GIT1: variants seen among roughly 807,000 people sequenced by gnomAD.
The protein encoded by GIT1 is ARF GTPase-activating protein GIT1.
In GIT1, 14 loss-of-function variants were observed where a neutral mutation model predicts 91.7. The ratio of observed to expected loss-of-function variants is 0.15; its 90% confidence interval spans 0.10 to 0.24. The LOEUF (loss-of-function observed/expected upper bound fraction) is 0.24, where lower values mean the gene tolerates loss of function less well. Among genes scored for constraint, GIT1 ranks in the 10% least tolerant of loss-of-function variants. The pLI is 1.00. For missense variants in GIT1, 717 were observed against 1,024.9 expected (o/e 0.70, Z 4.10); for synonymous variants, 414 against 418.2 (o/e 0.99, Z 0.12).
In GIT1 at chr17:29,583,607, C is replaced by A; in HGVS notation, c.62G>T (p.Trp21Leu). The A allele has an allele frequency of 6.3e-7, 1 of 1,592,254 alleles. No individual in the cohort carries two copies. ...CADCSAPDPG[W>L]ASISRGVLVC... is the part of the protein sequence containing the mutation. ...CAGCACACCCCTGCTGATGGATGCC[C>A]AGCCAGGGTCTGCCAGGGTGAGGGC... Residue 21 changes from tryptophan to leucine, a missense_variant, in exon 2 of 20, where the codon TGG becomes TTG. Trp to Leu is a moderately conservative substitution (Grantham distance 61). Around this residue, in one of 3 missense-constraint regions of GIT1, gnomAD observed 271 missense variants for 451.6 expected, o/e 0.60. Transcript: ENST00000225394.
At chr17:29,587,616 G>T (rs555034756) in intron 1 of GIT1, among the ~76,000 whole-genome samples, 1 of 152,256 alleles carries the variant, frequency 6.6e-6, no homozygotes, top group Non-Finnish European at 1.5e-5. Context: ...TGCCTTGCTG[G>T]TGCTGCCCTT....
chr17:29,581,507 C>T lies in GIT1; in HGVS notation c.719-127G>A, dbSNP rs2033394539. 2.1e-5 allele frequency: 17 copies of T among 811,960 alleles called. No individual in the cohort carries two copies. Among genetic ancestry groups the T allele is most frequent in the Non-Finnish European group, 3.4e-5 (16 of 474,214 alleles). 50.3% of individuals were successfully genotyped at this position (811,960 alleles called of 1,614,324 possible). On this transcript the variant is annotated intron_variant, in intron 6 of 19. Coordinates refer to ENST00000225394, the MANE Select transcript of GIT1 (RefSeq NM_014030.4). This position sits in a 1 kb window ranked among gnomAD's most constrained non-coding sequence, Gnocchi z 4.8. ...TCAGGGGAAAGTGGGGAGGGCAGGCCACCCCCAAGAATGCTGGGAGCTCGT... is the reference window on the plus strand; with the variant it reads ...TCAGGGGAAAGTGGGGAGGGCAGGCTACCCCCAAGAATGCTGGGAGCTCGT...
At chr17:29,577,366 C>A in intron 10 of GIT1, 119 bp from the exon 11 acceptor site, 1 of 811,716 alleles carries the variant, frequency 1.2e-6, no homozygotes, top group South Asian at 1.6e-5. Flanking sequence ...CTAAAGCGTC[C>A]CAGCCTAGCT....
rs1373404705 is a variant in GIT1, at chr17:29,574,614, C to T, written c.*88G>A. 2.7e-6 allele frequency: 3 copies of T among 1,119,258 alleles called. No homozygotes were observed. Among genetic ancestry groups the T allele is most frequent in the Non-Finnish European group, 4.1e-6 (3 of 740,140 alleles). The allele number at this position is 1,119,258 out of a possible 1,614,324, so 69.3% of individuals were successfully genotyped here. A position where few individuals can be genotyped will look rare whatever the true frequency, so the allele number is the denominator to read the frequency against. ...ACTAAGGGCACTTGTGCCAGTGGCT[C>T]TGTTGGGGTGGGGATTAATGTCTGG... On this transcript the variant is annotated 3_prime_UTR_variant, in exon 20 of 20. Transcript: ENST00000225394.
At chr17:29,582,852 T>C (rs1198430263) in intron 3 of GIT1, 49 bp from the exon 4 acceptor site, 1 of 1,561,498 alleles carries the variant, frequency 6.4e-7, no homozygotes, top group South Asian at 1.1e-5. Context: ...GAGAGGGTGG[T>C]CACCTTGCCA....
chr17:29,583,959 C>G (rs2150849615), intron 1 of GIT1: 1 of 309,834 alleles, frequency 3.2e-6, no homozygotes, highest in Non-Finnish European at 6.0e-6. Context: ...CCCAGCCCGT[C>G]CCGAAGGGAG....
intron 19 of GIT1, 70 bp from the exon 20 acceptor site, chr17:29,574,984 C>G: frequency 6.7e-7 from 1 of 1,488,506 alleles, no homozygotes; most frequent in Non-Finnish European, 9.2e-7. Flanking sequence ...CCCAGTTTGT[C>G]TGTGTCTCCA....
chr17:29,589,046 G>A lies in GIT1; in HGVS notation c.52+281C>T, dbSNP rs762330950. On this transcript the variant is annotated intron_variant, in intron 1 of 19. Coordinates refer to ENST00000225394, the MANE Select transcript of GIT1 (RefSeq NM_014030.4). This position sits in a 1 kb window ranked among gnomAD's most constrained non-coding sequence, Gnocchi z 5.2. ...GTCGGATACAGAGATGGAGGTGGAG[G>A]AGCAGCCAGCTGCCCGCCTCCCTCA... is the stretch of plus-strand genomic sequence containing the variant. Among the ~76,000 whole-genome samples, 3 of 152,194 alleles carry A rather than the reference G, an allele frequency of 2.0e-5. No homozygotes were observed. The highest frequency in any genetic ancestry group is 4.8e-5 in the African/African-American group (2 of 41,454).
Position 29,583,479 on chromosome 17 carries a change from G to A in GIT1, c.186+4C>T. The A allele has an allele frequency of 6.2e-7, 1 of 1,611,606 alleles. No homozygotes were observed. Among genetic ancestry groups the A allele is most frequent in the Non-Finnish European group, 8.5e-7 (1 of 1,179,780 alleles). On this transcript the variant is annotated splice_donor_region_variant and intron_variant, in intron 2 of 19. Transcript: ENST00000225394. ...AGGAAGAACCACCCGACTGAGCCCT[G>A]TACCTGCAGCAGCGTGGGAGGCCAG...
rs200441109 is a variant in GIT1, at chr17:29,575,720, A to C, written c.1753-17T>G. The stretch of plus-strand genomic sequence containing the variant: ...AAGCTTGCTCTGGAGGGCGGAGGGA[A>C]GGGGCTGTGAGCGCCGTGTTCCTGG... On this transcript the variant is annotated splice_polypyrimidine_tract_variant and intron_variant, in intron 16 of 19. Transcript: ENST00000225394. This position sits in a 1 kb window ranked among gnomAD's most constrained non-coding sequence, Gnocchi z 5.5. 1.6e-4 allele frequency: 252 copies of C among 1,612,290 alleles called. 1 individual carries two copies. In the East Asian group the frequency reaches 4.5e-3, roughly 29 times the overall value.
In GIT1 at chr17:29,575,463, C is replaced by T. The variant is rs2033158356; in HGVS notation, c.1834G>A (p.Gly612Arg). Residue 612 changes from glycine to arginine, a missense_variant, in exon 18 of 20, where the codon GGG (glycine) becomes AGG (arginine). Around this residue, in one of 3 missense-constraint regions of GIT1, gnomAD observed 134 missense variants for 223.8 expected, o/e 0.60. Coordinates refer to ENST00000225394, the MANE Select transcript of GIT1 (RefSeq NM_014030.4). The surrounding 1 kb of genome is among the most constrained non-coding windows in gnomAD (Gnocchi z 5.5). ...QSGDPLLGLE[G>R]KRFLELGKEE... ...TTGCCCAGCTCTAGAAACCTCTTCCCTTCCAGCCTGAGGCCCAGGTCCAGA... is the reference window on the plus strand; with the variant it reads ...TTGCCCAGCTCTAGAAACCTCTTCCTTTCCAGCCTGAGGCCCAGGTCCAGA... 6.2e-7 allele frequency: 1 copy of T among 1,602,958 alleles called. No individual in the cohort carries two copies. Among genetic ancestry groups the T allele is most frequent in the Non-Finnish European group, 8.5e-7 (1 of 1,174,624 alleles).
chr17:29,585,026 T>G (rs946544471), intron 1 of GIT1, among the ~76,000 whole-genome samples: 1 of 149,894 alleles, frequency 6.7e-6, no homozygotes, highest in Non-Finnish European at 1.5e-5. Flanking sequence ...GCAGCGGGTT[T>G]AGGCTTTTTA....
At chr17:29,576,783 G>C (rs1479385657) in intron 12 of GIT1, 80 bp downstream of exon 12, 1 of 1,575,754 alleles carries the variant, frequency 6.3e-7, no homozygotes, top group Non-Finnish European at 8.6e-7. Flanking sequence ...AGGCCCCTGG[G>C]CTACAAGAGG....
chr17:29,589,451 G>T lies in GIT1; in HGVS notation c.-73C>A. The T allele has an allele frequency of 1.8e-6, 1 of 563,192 alleles. No homozygotes were observed. The highest frequency in any genetic ancestry group is 2.2e-6 in the Non-Finnish European group (1 of 446,426). The allele number at this position is 563,192 out of a possible 1,614,324, so 34.9% of individuals were successfully genotyped here. On this transcript the variant is annotated 5_prime_UTR_variant, in exon 1 of 20. Transcript: ENST00000225394. This position sits in a 1 kb window ranked among gnomAD's most constrained non-coding sequence, Gnocchi z 5.2. ...CGGGCGGCGGGCCCGGGCGGCGGCG[G>T]CGGCCCCTGCTGCCCGGCCCGGCTC...
In GIT1 at chr17:29,576,469, G is replaced by C. The variant is rs73986960; in HGVS notation, c.1381-19C>G. 1.1e-5 allele frequency: 18 copies of C among 1,612,890 alleles called. No individual in the cohort carries two copies. The African/African-American group carries it at 2.1e-4, about 19-fold the overall frequency. ...TGTGGATCTATGGGTGCAAAGTGCT[G>C]TCAACCCCCTGGAGTCCTGGGGCTC... On this transcript the variant is annotated intron_variant, in intron 13 of 19. Transcript: ENST00000225394.
rs2033062367 is a variant in GIT1 at position 29,573,487 on chromosome 17, C to CTTTAT, written c.*1210_*1214dup. 1 of 152,654 alleles carries CTTTAT rather than the reference C, an allele frequency of 6.6e-6. No individual in the cohort carries two copies. The allele number at this position is 152,654 out of a possible 1,614,324, so 9.5% of individuals were successfully genotyped here. ...CATCAGAAACAGCTCATGGTCACTT[C>CTTTAT]TTTATTTTTGATACAAATGTACATG... is the stretch of plus-strand genomic sequence containing the variant. On this transcript the variant is annotated 3_prime_UTR_variant, in exon 20 of 20. Coordinates refer to ENST00000225394, the MANE Select transcript of GIT1 (RefSeq NM_014030.4).
chr17:29,587,026 T>C (rs1329660022), intron 1 of GIT1, among the ~76,000 whole-genome samples: 2 of 152,124 alleles, frequency 1.3e-5, no homozygotes, highest in African/African-American at 2.4e-5. Context: ...CTGACCTCCA[T>C]GACCCCCCAA....
At chr17:29,579,095 G>C (rs543817423) in intron 7 of GIT1, 4 of 926,846 alleles carry the variant, frequency 4.3e-6, no homozygotes, top group Non-Finnish European at 7.1e-6. Flanking sequence ...CCATCTCCAC[G>C]CACACCCGGC....
chr17:29,579,880 G>A (rs1180917705), intron 7 of GIT1, among the ~76,000 whole-genome samples: 12 of 152,128 alleles, frequency 7.9e-5, no homozygotes, highest in Admixed American at 7.9e-4. Flanking sequence ...CAGCAGAGAT[G>A]ACTTCACACT....
Sources: allele counts gnomAD v4.1 joint callset (sites outside exome capture counted in the v4.1 genomes callset), GRCh38; gene constraint gnomAD v4.1.1; regional missense constraint gnomAD v4.1.1; non-coding constraint Gnocchi (gnomAD v3.1); transcripts MANE v1.5; gene names NCBI Gene and HGNC (gene_info 2026-07-23, HGNC 2026-07-21).